SMIM3: variants seen among roughly 807,000 people sequenced by gnomAD.
The protein encoded by SMIM3 is small integral membrane protein 3.
SMIM3 carries 4 observed loss-of-function variants against 2.1 expected under a neutral mutation model. The observed-to-expected ratio is 1.89, with a 90% CI of 0.93 to 4.31. The LOEUF (loss-of-function observed/expected upper bound fraction) is 4.31. Ranked by LOEUF, SMIM3 falls within the 30% of genes most tolerant of loss-of-function variation. SMIM3 has a pLI of 0.01. For missense variants in SMIM3, 79 were observed against 77.7 expected (o/e 1.02, Z -0.06); for synonymous variants, 29 against 30.8 (o/e 0.94, Z 0.19).
chr5:150,793,758 T>C (rs1302440180), intron 1 of SMIM3, among the ~76,000 whole-genome samples: 1 of 152,174 alleles, frequency 6.6e-6, no homozygotes, highest in Non-Finnish European at 1.5e-5. Context: ...AGACATTGGC[T>C]TAGGCAAGGA....
intron 1 of SMIM3, among the ~76,000 whole-genome samples, chr5:150,788,190 C>T (rs983830891): frequency 3.9e-5 from 6 of 151,920 alleles, no homozygotes; most frequent in East Asian, 1.9e-4. Flanking sequence ...TGGGATTGGC[C>T]GAAACAATGA....
intron 1 of SMIM3, among the ~76,000 whole-genome samples, chr5:150,792,608 C>G (rs569694109): frequency 6.6e-6 from 1 of 152,314 alleles, no homozygotes; most frequent in East Asian, 1.9e-4. Context: ...GATCATGGCT[C>G]ACTGTAGCCT....
chr5:150,791,923 G>T (rs1200869893), intron 1 of SMIM3, among the ~76,000 whole-genome samples: 2 of 152,150 alleles, frequency 1.3e-5, no homozygotes, highest in Admixed American at 6.6e-5. Context: ...CTATATACTT[G>T]TTAAATGAAT....
intron 1 of SMIM3, among the ~76,000 whole-genome samples, chr5:150,788,701 T>C (rs1446172103): frequency 2.6e-5 from 4 of 152,172 alleles, no homozygotes; most frequent in South Asian, 2.1e-4. Flanking sequence ...ACATTGCTTT[T>C]CCCCCCACCT....
At chr5:150,781,858 T>C (rs1389543972) in intron 1 of SMIM3, among the ~76,000 whole-genome samples, 1 of 152,214 alleles carries the variant, frequency 6.6e-6, no homozygotes, top group African/African-American at 2.4e-5. Context: ...TGATGGATAG[T>C]AGTGCCTTAA....
intron 1 of SMIM3, among the ~76,000 whole-genome samples, chr5:150,782,098 A>G (rs1293166542): frequency 6.6e-6 from 1 of 152,220 alleles, no homozygotes; most frequent in Non-Finnish European, 1.5e-5. Context: ...GACAGGGGCC[A>G]GTTGGGGTGA....
intron 1 of SMIM3, among the ~76,000 whole-genome samples, chr5:150,794,136 G>T (rs1178859838): frequency 6.6e-6 from 1 of 152,158 alleles, no homozygotes; most frequent in Non-Finnish European, 1.5e-5. Context: ...CCTTAATCCT[G>T]CAAGAATGGC....
At chr5:150,794,118 C>T (rs1206366751) in intron 1 of SMIM3, among the ~76,000 whole-genome samples, 2 of 151,956 alleles carry the variant, frequency 1.3e-5, no homozygotes, top group Admixed American at 6.6e-5. Context: ...AACCACAATG[C>T]GATACCACCT....
intron 1 of SMIM3, among the ~76,000 whole-genome samples, chr5:150,788,914 G>T (rs1753321052): frequency 6.6e-6 from 1 of 152,102 alleles, no homozygotes. Flanking sequence ...GCTCAGGGTG[G>T]TTTCCGTGCA....
intron 1 of SMIM3, among the ~76,000 whole-genome samples, chr5:150,792,372 C>G (rs1419807824): frequency 6.6e-6 from 1 of 152,152 alleles, no homozygotes; most frequent in African/African-American, 2.4e-5. Flanking sequence ...AGTGAACTCA[C>G]TAGAAGGAGG....
intron 1 of SMIM3, among the ~76,000 whole-genome samples, chr5:150,780,799 G>A (rs1753225458): frequency 1.3e-5 from 2 of 152,148 alleles, no homozygotes; most frequent in Non-Finnish European, 2.9e-5. Flanking sequence ...TACCTCCAAG[G>A]AAAGAGAATA....
chr5:150,792,750 C>T (rs1753361449), intron 1 of SMIM3, among the ~76,000 whole-genome samples: 1 of 152,212 alleles, frequency 6.6e-6, no homozygotes, highest in Non-Finnish European at 1.5e-5. Flanking sequence ...CTATATTGCT[C>T]AGGCTGGTCT....
At chr5:150,783,311 T>C (rs1343939584) in intron 1 of SMIM3, among the ~76,000 whole-genome samples, 2 of 152,358 alleles carry the variant, frequency 1.3e-5, no homozygotes, top group Middle Eastern at 3.4e-3. Flanking sequence ...CTTGACAACC[T>C]CAGCAGCATC....
chr5:150,782,991 A>C (rs1231401991), intron 1 of SMIM3, among the ~76,000 whole-genome samples: 1 of 152,230 alleles, frequency 6.6e-6, no homozygotes, highest in East Asian at 1.9e-4. Context: ...AAAACAAACA[A>C]GCAACAAACA....
intron 1 of SMIM3, among the ~76,000 whole-genome samples, chr5:150,793,622 T>C (rs927676166): frequency 6.6e-6 from 1 of 152,206 alleles, no homozygotes; most frequent in Non-Finnish European, 1.5e-5. Context: ...TAGTCACATG[T>C]AGCAGAACGA....
At chr5:150,794,886 G>T (rs1753386109) in intron 1 of SMIM3, among the ~76,000 whole-genome samples, 1 of 152,046 alleles carries the variant, frequency 6.6e-6, no homozygotes. Context: ...ATCCATCCCT[G>T]TACTCAGGTC....
intron 1 of SMIM3, among the ~76,000 whole-genome samples, chr5:150,782,771 A>AG (rs1561722866): frequency 6.6e-6 from 1 of 152,232 alleles, no homozygotes; most frequent in Non-Finnish European, 1.5e-5. Flanking sequence ...TCAGTCAATT[A>AG]GGTTCCACGA....
intron 1 of SMIM3, among the ~76,000 whole-genome samples, chr5:150,791,560 T>C (rs974745303): frequency 3.3e-5 from 5 of 152,222 alleles, no homozygotes; most frequent in African/African-American, 1.2e-4. Flanking sequence ...CTCATGTTCA[T>C]CTATGTTGTC....
intron 1 of SMIM3, among the ~76,000 whole-genome samples, chr5:150,793,664 A>T (rs1440365944): frequency 6.6e-6 from 1 of 152,224 alleles, no homozygotes; most frequent in African/African-American, 2.4e-5. Flanking sequence ...CTCATACAAA[A>T]ATCAACTCAA....
Sources: allele counts gnomAD v4.1 joint callset (sites outside exome capture counted in the v4.1 genomes callset), GRCh38; gene constraint gnomAD v4.1.1; transcripts MANE v1.5; gene names NCBI Gene and HGNC (gene_info 2026-07-23, HGNC 2026-07-21).